Variants in CHD2 observed in about 807,000 individuals in gnomAD.
The protein encoded by CHD2 is chromodomain helicase DNA binding protein 2, also known as ATP-dependent chromatin remodeler CHD2.
CHD2 carries 28 observed loss-of-function variants against 243.9 expected under a neutral mutation model. That is an observed-to-expected ratio of 0.11 (90% CI 0.09 to 0.16). The LOEUF (loss-of-function observed/expected upper bound fraction) is 0.16, where lower values mean the gene tolerates loss of function less well. Among genes scored for constraint, CHD2 ranks in the 10% least tolerant of loss-of-function variants. The pLI is 1.00. For missense variants in CHD2, 1,386 were observed against 2,209.8 expected (o/e 0.63, Z 7.47); for synonymous variants, 775 against 779.0 (o/e 0.99, Z 0.09).
chr15:92,935,918 G>T (rs936632352), intron 5 of CHD2, among the ~76,000 whole-genome samples: 1 of 151,758 alleles, frequency 6.6e-6, no homozygotes, highest in Non-Finnish European at 1.5e-5. Flanking sequence ...GACTAATTGC[G>T]CATTCTTTCA....
intron 16 of CHD2, among the ~76,000 whole-genome samples, chr15:92,963,815 C>T (rs1208221371): frequency 2.6e-5 from 4 of 152,188 alleles, no homozygotes; most frequent in Non-Finnish European, 4.4e-5. Flanking sequence ...AAAATACATC[C>T]TTCATAAAAC....
At chr15:92,922,475 G>A (rs146461359) in intron 2 of CHD2, among the ~76,000 whole-genome samples, 113 of 152,156 alleles carry the variant, frequency 7.4e-4, no homozygotes, top group African/African-American at 2.7e-3. Flanking sequence ...CTTCCTCATG[G>A]TAACTGAAAG....
chr15:92,953,332 TTTTA>T (rs2053578538), intron 13 of CHD2, 21 bp from the exon 14 acceptor site: 2 of 1,603,206 alleles, frequency 1.2e-6, no homozygotes, highest in African/African-American at 1.3e-5. Context: ...ATTTTTTTGT[TTTTA>T]TTTATTTTTT....
In CHD2 at chr15:92,900,694, A is replaced by AT. The variant is rs1227496776; in HGVS notation, c.-201dup. 3.8e-5 allele frequency: 15 copies of AT among 397,846 alleles called. No homozygotes were observed. The highest frequency in any genetic ancestry group is 4.4e-5 in the Admixed American group (1 of 22,654). 24.6% of individuals were successfully genotyped at this position (397,846 alleles called of 1,614,324 possible). Reference sequence around the variant, plus strand: ...TGCTTTATTTTTTTGACCAGTTAACATATTTGAGGGTTATTTTATTTATTT... The same window carrying AT: ...TGCTTTATTTTTTTGACCAGTTAACATTATTTGAGGGTTATTTTATTTATTT... On this transcript the variant is annotated 5_prime_UTR_variant, in exon 1 of 39. Transcript: ENST00000394196.
chr15:92,989,025 CTTTT>C (rs34298248), intron 26 of CHD2, among the ~76,000 whole-genome samples: 1,030 of 76,538 alleles, frequency 0.013, 2 homozygotes, highest in Middle Eastern at 0.02. Flanking sequence ...ATACTTCATA[CTTTT>C]TTTTTTTTTT....
intron 2 of CHD2, among the ~76,000 whole-genome samples, chr15:92,912,427 G>T (rs765778858): frequency 5.9e-5 from 9 of 152,226 alleles, no homozygotes; most frequent in Non-Finnish European, 1.2e-4. Flanking sequence ...CGCAGTCTCG[G>T]CTTACTGTAA....
Position 92,986,244 on chromosome 15 carries a change from A to G in CHD2, c.3413+571A>G, listed in dbSNP as rs189510142. Among the ~76,000 whole-genome samples, 628 of 152,206 alleles carry G rather than the reference A, an allele frequency of 4.1e-3. 8 individuals are homozygous for G. The highest frequency in any genetic ancestry group is 0.014 in the African/African-American group (587 of 41,528). On this transcript the variant is annotated intron_variant, in intron 26 of 38. Coordinates refer to ENST00000394196, the MANE Select transcript of CHD2 (RefSeq NM_001271.4). ...CTTGGTATCTGATTCAAATGTCTCT[A>G]TCCTCCATAAAAAAATCTAAAATTG...
chr15:92,981,343 G>T, intron 23 of CHD2, 22 bp from the exon 24 acceptor site: 3 of 1,579,494 alleles, frequency 1.9e-6, no homozygotes, highest in Non-Finnish European at 2.6e-6. Context: ...TATTCTATTC[G>T]TGTTGGCTTT....
intron 33 of CHD2, among the ~76,000 whole-genome samples, chr15:93,002,902 AATAGATTTCTTG>A (rs1447875429): frequency 6.6e-6 from 1 of 152,224 alleles, no homozygotes; most frequent in East Asian, 1.9e-4. Flanking sequence ...TGATAACTCT[AATAGATTTCTTG>A]ATAAGTGCCT....
At chr15:92,967,211 T>G (rs2053777181) in intron 16 of CHD2, 114 bp from the exon 17 acceptor site, 1 of 713,130 alleles carries the variant, frequency 1.4e-6, no homozygotes, top group Admixed American at 3.1e-5. Flanking sequence ...ATTTAAGAGC[T>G]CTAGTGATTG....
Position 92,998,099 on chromosome 15 carries a change from C to A in CHD2, c.3886-400C>A. The stretch of plus-strand genomic sequence containing the variant: ...TGTCCTGGCGTAGCTCAGTGCTCTC[C>A]GGCAATGCTCTAAGAAGCATTTTCA... On this transcript the variant is annotated intron_variant, in intron 30 of 38. Coordinates refer to ENST00000394196, the MANE Select transcript of CHD2 (RefSeq NM_001271.4). The surrounding 1 kb of genome is among the most constrained non-coding windows in gnomAD (Gnocchi z 5.1). The A allele has an allele frequency of 1.3e-6, 1 of 796,566 alleles. No homozygotes were observed. Among genetic ancestry groups the A allele is most frequent in the Non-Finnish European group, 1.5e-6 (1 of 651,296 alleles). 49.3% of individuals were successfully genotyped at this position (796,566 alleles called of 1,614,324 possible).
chr15:92,913,454 G>T (rs1482813524), intron 2 of CHD2, among the ~76,000 whole-genome samples: 1 of 152,130 alleles, frequency 6.6e-6, no homozygotes, highest in African/African-American at 2.4e-5. Context: ...GGGGGTGGGG[G>T]TGTTACTGGC....
At chr15:92,910,115 T>C (rs2052704084) in intron 2 of CHD2, among the ~76,000 whole-genome samples, 1 of 152,036 alleles carries the variant, frequency 6.6e-6, no homozygotes, top group Admixed American at 6.5e-5. Flanking sequence ...CAAGCAGTTC[T>C]CCTGCCTTAG....
Position 92,967,353 on chromosome 15 carries a change from G to T in CHD2, c.2029G>T (p.Asp677Tyr), listed in dbSNP as rs1464199841. 1.2e-6 allele frequency: 2 copies of T among 1,611,120 alleles called. No individual in the cohort carries two copies. The highest frequency in any genetic ancestry group is 1.7e-6 in the Non-Finnish European group (2 of 1,178,278). ...KFEFWEDFEE[D>Y]HGKGRENGYQ... ...TGAATTTTGGGAAGATTTTGAAGAAGACCATGGGAAGGGGAGAGAAAATGG... is the reference window on the plus strand; with the variant it reads ...TGAATTTTGGGAAGATTTTGAAGAATACCATGGGAAGGGGAGAGAAAATGG... Residue 677 changes from aspartate to tyrosine, a missense_variant, in exon 17 of 39, where the codon GAC becomes TAC. Physicochemically the swap from Asp to Tyr is radical, Grantham distance 160 (BLOSUM62 -3). Coordinates refer to ENST00000394196, the MANE Select transcript of CHD2 (RefSeq NM_001271.4).
intron 10 of CHD2, 47 bp from the exon 11 acceptor site, chr15:92,945,774 T>A (rs2141794761): frequency 7.8e-7 from 1 of 1,274,084 alleles, no homozygotes; most frequent in East Asian, 2.4e-5. Context: ...AATCTTTCAT[T>A]CTTCATTGTG....
At chr15:92,930,772 A>G (rs2053152784) in intron 5 of CHD2, among the ~76,000 whole-genome samples, 1 of 152,170 alleles carries the variant, frequency 6.6e-6, no homozygotes, top group African/African-American at 2.4e-5. Context: ...TCAGTAGCAT[A>G]TATGGACCTT....
At chr15:92,901,704 C>T (rs973305034) in intron 2 of CHD2, 10 of 330,430 alleles carry the variant, frequency 3.0e-5, no homozygotes, top group African/African-American at 1.5e-4. Flanking sequence ...TCCAGGATAT[C>T]TAAACTTGTA....
At position 93,020,793 on chromosome 15, in the gene CHD2, A is replaced by G. The variant is rs138228717; in HGVS notation, c.5153+535A>G. 1,370 of 160,428 alleles carry G rather than the reference A, an allele frequency of 8.5e-3. 67 individuals carry two copies. The highest frequency in any genetic ancestry group is 0.071 in the Admixed American group (1,188 of 16,692). 9.9% of individuals were successfully genotyped at this position (160,428 alleles called of 1,614,324 possible). ...CCTAATTTCAAATCTTGGATAATTT[A>G]ACCTCATAGCAGCTTTGGTTTTCCC... On this transcript the variant is annotated intron_variant, in intron 38 of 38. Transcript: ENST00000394196.
chr15:93,015,233 C>T (rs1173965434), intron 37 of CHD2, among the ~76,000 whole-genome samples: 1 of 152,164 alleles, frequency 6.6e-6, no homozygotes, highest in Non-Finnish European at 1.5e-5. Flanking sequence ...TGTGCACCAC[C>T]ACGCTGAGCT....
Sources: gnomAD v4.1 joint callset for allele counts (sites outside exome capture counted in the v4.1 genomes callset) on GRCh38, gnomAD v4.1.1 for gene constraint, Gnocchi (gnomAD v3.1) non-coding constraint, MANE v1.5 for transcripts, NCBI Gene and HGNC (gene_info 2026-07-23, HGNC 2026-07-21) for gene names.